The following RAD52 variants were observed in gnomAD, a reference collection of about 807,000 sequenced individuals.
The protein encoded by RAD52 is DNA repair protein RAD52 homolog.
RAD52 carries 47 observed loss-of-function variants against 55.5 expected under a neutral mutation model. That is an observed-to-expected ratio of 0.85 (90% CI 0.67 to 1.08). The LOEUF is 1.08. RAD52 is among the 50% of genes least tolerant of loss of function. The probability of loss-of-function intolerance (pLI) is 0.00; values close to 1 mark genes in which losing one functional copy is unlikely to be tolerated. For synonymous variants in RAD52, 184 were observed against 198.9 expected, an observed-to-expected ratio of 0.92 and a Z score of 0.63; for missense variants, 468 against 522.8, an observed-to-expected ratio of 0.90 and a Z score of 1.02.
intron 1 of RAD52, among the ~76,000 whole-genome samples, chr12:965,898 C>A (rs544363113): frequency 3.0e-4 from 45 of 152,142 alleles, no homozygotes; most frequent in Middle Eastern, 3.4e-3. Flanking sequence ...GTTGGCCAGG[C>A]TGATCTCGAA....
chr12:916,944 A>G (rs924651862), intron 7 of RAD52, 124 bp from the exon 8 acceptor site: 1 of 1,334,806 alleles, frequency 7.5e-7, no homozygotes, highest in Non-Finnish European at 1.0e-6. Context: ...CACGCCTTCT[A>G]GGTCCTGTAA....
At chr12:955,960 T>C (rs1958599945) in intron 1 of RAD52, among the ~76,000 whole-genome samples, 1 of 152,054 alleles carries the variant, frequency 6.6e-6, no homozygotes, top group South Asian at 2.1e-4. Context: ...TTTGCATTTT[T>C]AGTAGAGAGA....
intron 1 of RAD52, among the ~76,000 whole-genome samples, chr12:963,468 G>A (rs924926885): frequency 9.2e-5 from 14 of 152,228 alleles, no homozygotes; most frequent in Admixed American, 8.5e-4. Context: ...AGTGTGGCTG[G>A]TAGAAGTAAA....
At chr12:922,875 G>A (rs1053173070) in intron 7 of RAD52, among the ~76,000 whole-genome samples, 2 of 151,670 alleles carry the variant, frequency 1.3e-5, no homozygotes, top group African/African-American at 4.8e-5. Context: ...CTGTCTCCCA[G>A]GCTGGAGTGC....
chr12:929,054 C>T (rs755519853), intron 5 of RAD52, among the ~76,000 whole-genome samples: 5 of 152,002 alleles, frequency 3.3e-5, no homozygotes, highest in African/African-American at 7.2e-5. Flanking sequence ...TTAGTAGAGA[C>T]GGGCTTTCGC....
chr12:963,625 G>T (rs1356474154), intron 1 of RAD52, among the ~76,000 whole-genome samples: 1 of 151,626 alleles, frequency 6.6e-6, no homozygotes, highest in Non-Finnish European at 1.5e-5. Context: ...TTTCTATCAG[G>T]AATTTAAAAA....
chr12:982,127 CAT>C (rs967314952), intron 1 of RAD52, among the ~76,000 whole-genome samples: 13 of 152,316 alleles, frequency 8.5e-5, no homozygotes, highest in Admixed American at 1.3e-4. Flanking sequence ...TAAAGGGTAA[CAT>C]GTGTTCACAG....
intron 1 of RAD52, among the ~76,000 whole-genome samples, chr12:978,530 GTGGC>G (rs1186893289): frequency 6.6e-6 from 1 of 152,132 alleles, no homozygotes; most frequent in African/African-American, 2.4e-5. Flanking sequence ...GCCGGGTGAG[GTGGC>G]TCAGGCCCGT....
intron 3 of RAD52, 112 bp downstream of exon 3, chr12:931,107 AG>A (rs1221729476): frequency 1.3e-6 from 1 of 799,014 alleles, no homozygotes; most frequent in African/African-American, 1.7e-5. Context: ...GGAGACCTCC[AG>A]GAACAGTTAA....
chr12:983,995 GTAACA>G (rs1202159348), intron 1 of RAD52, among the ~76,000 whole-genome samples: 1 of 152,130 alleles, frequency 6.6e-6, no homozygotes, highest in East Asian at 1.9e-4. Context: ...TAAAATGTAA[GTAACA>G]TAACACTTTA....
rs192142366 is a variant in RAD52 at position 957,355 on chromosome 12, C to T, written c.-18-24279G>A. ...GTGGGCGCCTGTAATCCCAACTACTCGGGAGGCTGAGGCAGGAGAATCGCT... is the reference window on the plus strand; with the variant it reads ...GTGGGCGCCTGTAATCCCAACTACTTGGGAGGCTGAGGCAGGAGAATCGCT... On this transcript the variant is annotated intron_variant, in intron 1 of 11. Transcript: ENST00000430095. Among the ~76,000 whole-genome samples, 1,014 of 145,796 alleles carry T rather than the reference C, an allele frequency of 7.0e-3. 7 individuals are homozygous for T. Among genetic ancestry groups the T allele is most frequent in the African/African-American group, 0.024 (966 of 39,644 alleles).
intron 9 of RAD52, among the ~76,000 whole-genome samples, chr12:915,806 C>A (rs1345455870): frequency 1.3e-5 from 2 of 152,124 alleles, no homozygotes; most frequent in Non-Finnish European, 2.9e-5. Context: ...CAACCTCTGC[C>A]TTCTGGATTC....
At chr12:989,309 T>A (rs1307609916) in intron 1 of RAD52, among the ~76,000 whole-genome samples, 1 of 152,158 alleles carries the variant, frequency 6.6e-6, no homozygotes, top group African/African-American at 2.4e-5. Context: ...ATTATGCTTT[T>A]CTCCATTTTA....
chr12:914,555 A>T, intron 9 of RAD52, 23 bp from the exon 10 acceptor site: 1 of 1,612,080 alleles, frequency 6.2e-7, no homozygotes, highest in Non-Finnish European at 8.5e-7. Flanking sequence ...GAGGAGAGAA[A>T]GGACAAGTCA....
intron 1 of RAD52, among the ~76,000 whole-genome samples, chr12:938,727 C>A (rs2154116869): frequency 6.6e-6 from 1 of 152,188 alleles, no homozygotes; most frequent in South Asian, 2.1e-4. Context: ...GGCATGACAA[C>A]TAAATGCACT....
exon 1 of RAD52, chr12:989,821 C>T (rs1959159665): frequency 6.6e-6 from 1 of 152,152 alleles, no homozygotes; most frequent in Non-Finnish European, 1.5e-5. Context: ...TACCACACTG[C>T]TAGGGAGTAA....
At chr12:936,545 T>C (rs980347792) in intron 1 of RAD52, among the ~76,000 whole-genome samples, 7 of 150,138 alleles carry the variant, frequency 4.7e-5, no homozygotes, top group Non-Finnish European at 7.4e-5. Flanking sequence ...CAGGCTGGAA[T>C]GCAGTGGTGC....
At chr12:944,494 C>G (rs1958091149) in intron 1 of RAD52, among the ~76,000 whole-genome samples, 1 of 151,610 alleles carries the variant, frequency 6.6e-6, no homozygotes, top group Admixed American at 6.6e-5. Context: ...ACACTCCAGC[C>G]TGGGCAACAG....
At chr12:970,800 G>A (rs774920732) in intron 1 of RAD52, among the ~76,000 whole-genome samples, 1 of 152,090 alleles carries the variant, frequency 6.6e-6, no homozygotes, top group Non-Finnish European at 1.5e-5. Flanking sequence ...TTTGGGTAGG[G>A]TATCACAGCA....
Sources: gnomAD v4.1 joint callset for allele counts (sites outside exome capture counted in the v4.1 genomes callset) on GRCh38, gnomAD v4.1.1 for gene constraint, MANE v1.5 for transcripts, NCBI Gene and HGNC (gene_info 2026-07-23, HGNC 2026-07-21) for gene names.